The following SRRM4 variants were observed in gnomAD, a reference collection of about 807,000 sequenced individuals.
The protein encoded by SRRM4 is serine/arginine repetitive matrix 4.
Under a neutral mutation model 68.9 loss-of-function variants are expected in SRRM4, and 33 were observed. That is an observed-to-expected ratio of 0.48 (90% CI 0.36 to 0.64). The LOEUF is 0.64. SRRM4 is among the 30% of genes least tolerant of loss of function. SRRM4 has a pLI of 0.00. For missense variants in SRRM4, 817 were observed against 827.1 expected (o/e 0.99, Z 0.15); for synonymous variants, 318 against 318.8 (o/e 1.00, Z 0.03).
chr12:119,033,813 A>C (rs892358461), intron 1 of SRRM4, among the ~76,000 whole-genome samples: 1 of 152,232 alleles, frequency 6.6e-6, no homozygotes, highest in African/African-American at 2.4e-5. Context: ...TACTGAGTAT[A>C]GAATTAGCAG....
chr12:119,091,171 GC>G (rs1409657530), intron 1 of SRRM4, among the ~76,000 whole-genome samples: 2 of 152,202 alleles, frequency 1.3e-5, no homozygotes, highest in African/African-American at 2.4e-5. Context: ...CCTCTCAGAA[GC>G]CCCCTGTCTG....
At chr12:119,149,279 C>A (rs911512324) in intron 9 of SRRM4, among the ~76,000 whole-genome samples, 1 of 152,108 alleles carries the variant, frequency 6.6e-6, no homozygotes, top group Non-Finnish European at 1.5e-5. Flanking sequence ...ACCTGGGAGG[C>A]GGAGGTTGCA....
intron 1 of SRRM4, among the ~76,000 whole-genome samples, chr12:119,072,320 C>G (rs956189347): frequency 6.6e-6 from 1 of 152,188 alleles, no homozygotes; most frequent in African/African-American, 2.4e-5. Flanking sequence ...CATAGAACCT[C>G]GGAGGTAGCT....
chr12:119,106,991 C>T (rs576059099), intron 2 of SRRM4, among the ~76,000 whole-genome samples: 12 of 152,218 alleles, frequency 7.9e-5, no homozygotes, highest in Non-Finnish European at 1.6e-4. Context: ...CCCATCCATA[C>T]CTAGTTTATT....
chr12:119,156,149 C>G (rs1954469887), intron 12 of SRRM4, among the ~76,000 whole-genome samples: 1 of 152,146 alleles, frequency 6.6e-6, no homozygotes, highest in Admixed American at 6.5e-5. Flanking sequence ...AAATTAGCCT[C>G]TTTTGCCATA....
chr12:119,046,376 T>C (rs1264446378), intron 1 of SRRM4, among the ~76,000 whole-genome samples: 1 of 152,182 alleles, frequency 6.6e-6, no homozygotes, highest in East Asian at 1.9e-4. Flanking sequence ...AGCTCTGAAA[T>C]AAGTCTGGCA....
Position 119,151,136 on chromosome 12 carries a change from G to T in SRRM4, c.1196G>T (p.Arg399Leu). Reference sequence around the variant, plus strand: ...CGCAGCTCCTCCTATGCCAGCACCCGATCCTCCAGTCACTCGTCCCGATCC... The same window carrying T: ...CGCAGCTCCTCCTATGCCAGCACCCTATCCTCCAGTCACTCGTCCCGATCC... ...CSRSSSYASTRSSSHSSRSPN... is the reference protein window; with the variant it reads ...CSRSSSYASTLSSSHSSRSPN... The change falls in exon 10 of 13, where the codon CGA (arginine) becomes CTA (leucine). Residue 399 changes from arginine (R) to leucine (L), a missense_variant. By Grantham distance (102) the Arg-to-Leu change is moderately radical (BLOSUM62 -2). Coordinates refer to ENST00000267260, the MANE Select transcript of SRRM4 (RefSeq NM_194286.4). 6.2e-7 allele frequency: 1 copy of T among 1,613,914 alleles called. No homozygotes were observed. Among genetic ancestry groups the T allele is most frequent in the Non-Finnish European group, 8.5e-7 (1 of 1,179,852 alleles).
rs565861295 is a variant in SRRM4, at chr12:119,154,623, G to A, written c.1532+240G>A. 4.9e-4 allele frequency among the ~76,000 whole-genome samples: 74 copies of A among 152,312 alleles called. No homozygotes were observed. The South Asian group carries it at 6.8e-3, about 14-fold the overall frequency. ...GGGGGCGGGGCCAGCCTGAAGAATC[G>A]GGTGTGGCATGGGGGAGTGGCCAAA... On this transcript the variant is annotated intron_variant, in intron 12 of 12. Transcript: ENST00000267260. The surrounding 1 kb of genome is among the most constrained non-coding windows in gnomAD (Gnocchi z 4.7).
At chr12:119,090,233 G>A (rs1032175098) in intron 1 of SRRM4, among the ~76,000 whole-genome samples, 1 of 152,076 alleles carries the variant, frequency 6.6e-6, no homozygotes, top group Non-Finnish European at 1.5e-5. Context: ...TTTGCATTTA[G>A]TATTAATAGT....
At chr12:119,047,986 G>A (rs1953718145) in intron 1 of SRRM4, among the ~76,000 whole-genome samples, 1 of 152,226 alleles carries the variant, frequency 6.6e-6, no homozygotes, top group African/African-American at 2.4e-5. Context: ...GTTCTTATAA[G>A]AGACAAATGT....
intron 6 of SRRM4, 120 bp from the exon 7 acceptor site, chr12:119,125,261 T>G (rs1205332885): frequency 3.4e-6 from 3 of 875,130 alleles, no homozygotes; most frequent in Non-Finnish European, 5.4e-6. Flanking sequence ...GATGGAGAAC[T>G]TCGGGAGGGA....
Position 119,156,957 on chromosome 12 carries a change from C to T in SRRM4, c.*159C>T. On this transcript the variant is annotated 3_prime_UTR_variant, in exon 13 of 13. Coordinates refer to ENST00000267260, the MANE Select transcript of SRRM4 (RefSeq NM_194286.4). ...AGGAGAAGAGGGTAAGGGGGCTTCA[C>T]TCTCTAGATCAGCCTGCTAGGAGCC... 1.1e-6 allele frequency: 1 copy of T among 879,820 alleles called. No homozygotes were observed. Among genetic ancestry groups the T allele is most frequent in the Middle Eastern group, 3.5e-4 (1 of 2,832 alleles). 54.5% of individuals were successfully genotyped at this position (879,820 alleles called of 1,614,324 possible).
Position 119,145,454 on chromosome 12 carries a change from C to A in SRRM4, c.845C>A (p.Ser282Tyr). 1 of 1,608,960 alleles carries A rather than the reference C, an allele frequency of 6.2e-7. No homozygotes were observed. The highest frequency in any genetic ancestry group is 8.5e-7 in the Non-Finnish European group (1 of 1,177,798). ...ASPLTTSRGR[S>Y]QEYDSGNDTS... is the part of the protein sequence containing the mutation. ...CCGCTCACCACCTCGCGAGGACGTT[C>A]CCAGGAGTACGACTCAGGAAATGAC... Residue 282 changes from serine (S) to tyrosine (Y), a missense_variant, in exon 9 of 13, where the codon TCC (serine) becomes TAC (tyrosine). Transcript: ENST00000267260.
chr12:119,105,201 T>C (rs1397368294), intron 2 of SRRM4, among the ~76,000 whole-genome samples: 1 of 152,070 alleles, frequency 6.6e-6, no homozygotes, highest in African/African-American at 2.4e-5. Context: ...TGCCACACTT[T>C]CCTAATCCAG....
intron 6 of SRRM4, among the ~76,000 whole-genome samples, 176 bp downstream of exon 6, chr12:119,122,296 A>AAGGCAGGAAGGAAGGC (rs1397501470): frequency 1.1e-5 from 1 of 89,098 alleles, no homozygotes; most frequent in Non-Finnish European, 2.7e-5. Flanking sequence ...GGAAGGCAGG[A>AAGGCAGGAAGGAAGGC]AGGAAGGAAG....
At chr12:119,038,669 C>G (rs542490893) in intron 1 of SRRM4, among the ~76,000 whole-genome samples, 11 of 152,204 alleles carry the variant, frequency 7.2e-5, no homozygotes, top group Admixed American at 2.0e-4. Flanking sequence ...TCTTATCAGA[C>G]AGTATCAAGT....
chr12:119,116,821 G>T lies in SRRM4; in HGVS notation c.366-116G>T, dbSNP rs1592904198. 5.5e-5 allele frequency: 39 copies of T among 709,758 alleles called. No individual in the cohort carries two copies. In the East Asian group the frequency reaches 1.0e-3, roughly 18 times the overall value. 44.0% of individuals were successfully genotyped at this position (709,758 alleles called of 1,614,324 possible). On this transcript the variant is annotated intron_variant, in intron 3 of 12. Coordinates refer to ENST00000267260, the MANE Select transcript of SRRM4 (RefSeq NM_194286.4). The stretch of plus-strand genomic sequence containing the variant: ...TAGTATCAGCATGGATATTATCTTT[G>T]ATGTGTGTTCCTGCAAGAGCTAAAA...
At chr12:119,066,920 A>G (rs1953849572) in intron 1 of SRRM4, among the ~76,000 whole-genome samples, 1 of 152,140 alleles carries the variant, frequency 6.6e-6, no homozygotes, top group South Asian at 2.1e-4. Flanking sequence ...CATTCTACCC[A>G]TAAATTTACT....
chr12:119,104,860 T>G (rs1565908994), intron 2 of SRRM4, among the ~76,000 whole-genome samples: 1 of 152,056 alleles, frequency 6.6e-6, no homozygotes, highest in South Asian at 2.1e-4. Flanking sequence ...AGGGTACATG[T>G]GCACATCATG....
Sources: gnomAD v4.1 joint callset for allele counts (sites outside exome capture counted in the v4.1 genomes callset) on GRCh38, gnomAD v4.1.1 for gene constraint, Gnocchi (gnomAD v3.1) non-coding constraint, MANE v1.5 for transcripts, NCBI Gene and HGNC (gene_info 2026-07-23, HGNC 2026-07-21) for gene names.